Variants in RB1 observed in about 807,000 individuals in gnomAD.
RB1 encodes the protein RB transcriptional corepressor 1.
A neutral mutation model predicts 135.4 loss-of-function variants in RB1; 18 were observed. That is an observed-to-expected ratio of 0.13 (90% CI 0.09 to 0.20). The LOEUF (loss-of-function observed/expected upper bound fraction) is 0.20. Ranked by LOEUF, RB1 falls within the 10% of genes least tolerant of loss-of-function variation. RB1 has a pLI of 1.00. For synonymous variants in RB1, 365 were observed against 373.2 expected (o/e 0.98, Z 0.25); for missense variants, 868 against 1,110.0 (o/e 0.78, Z 3.10).
intron 6 of RB1, 48 bp from the exon 7 acceptor site, chr13:48,359,969 A>G: frequency 6.2e-7 from 1 of 1,604,530 alleles, no homozygotes; most frequent in Non-Finnish European, 8.5e-7. Flanking sequence ...CTCTCATACA[A>G]AGATCTGAAT....
chr13:48,320,032 G>A, intron 2 of RB1: 3 of 459,576 alleles, frequency 6.5e-6, no homozygotes, highest in Non-Finnish European at 8.0e-6. Flanking sequence ...GCTGGCCCCT[G>A]CCAGCCCCGG....
intron 17 of RB1, among the ~76,000 whole-genome samples, chr13:48,449,109 G>A (rs1463265397): frequency 6.6e-6 from 1 of 150,530 alleles, no homozygotes; most frequent in Non-Finnish European, 1.5e-5. Flanking sequence ...CGTAATCGCC[G>A]TTTTTTTTTC....
intron 17 of RB1, among the ~76,000 whole-genome samples, chr13:48,434,942 TAC>T (rs1949168539): frequency 6.6e-6 from 1 of 152,254 alleles, no homozygotes; most frequent in African/African-American, 2.4e-5. Flanking sequence ...ATGAATGTAC[TAC>T]AGTTTCTTTG....
At chr13:48,447,426 G>A (rs1276484035) in intron 17 of RB1, among the ~76,000 whole-genome samples, 1 of 152,128 alleles carries the variant, frequency 6.6e-6, no homozygotes, top group Non-Finnish European at 1.5e-5. Context: ...ATACTGGGTG[G>A]ATGGATGGAT....
At chr13:48,320,478 A>C in intron 2 of RB1, 1 of 767,312 alleles carries the variant, frequency 1.3e-6, no homozygotes. Flanking sequence ...GAAACATTCT[A>C]GCAGAAGGGG....
At chr13:48,397,470 A>G (rs1593466497) in intron 17 of RB1, among the ~76,000 whole-genome samples, 1 of 152,168 alleles carries the variant, frequency 6.6e-6, no homozygotes, top group East Asian at 1.9e-4. Flanking sequence ...ATGGAGGGGA[A>G]CATCACACAC....
intron 20 of RB1, among the ~76,000 whole-genome samples, chr13:48,461,216 A>G (rs1373152233): frequency 6.6e-6 from 1 of 151,790 alleles, no homozygotes; most frequent in East Asian, 1.9e-4. Flanking sequence ...TTTTCTCTCT[A>G]TGGATTTGCC....
intron 23 of RB1, 98 bp downstream of exon 23, chr13:48,465,466 T>C (rs1478566995): frequency 2.4e-6 from 3 of 1,229,810 alleles, no homozygotes; most frequent in Non-Finnish European, 3.5e-6. Flanking sequence ...TCAAATAAGC[T>C]AGACTCTTGA....
chr13:48,326,881 C>G (rs1952292256), intron 2 of RB1, among the ~76,000 whole-genome samples: 1 of 151,582 alleles, frequency 6.6e-6, no homozygotes, highest in Non-Finnish European at 1.5e-5. Flanking sequence ...AGTTCGTATA[C>G]AATACAAAAA....
In RB1 at chr13:48,453,039, G is replaced by A. The variant is rs1350821464; in HGVS notation, c.1742G>A (p.Gly581Glu). 6.2e-7 allele frequency: 1 copy of A among 1,613,126 alleles called. No individual in the cohort carries two copies. Among genetic ancestry groups the A allele is most frequent in the Non-Finnish European group, 8.5e-7 (1 of 1,179,652 alleles). ...ATTAAACAATCAAAGGACCGAGAAG[G>A]ACCAACTGATCACCTTGAATCTGCT... ...DLIKQSKDREGPTDHLESACP... is the reference protein window; with the variant it reads ...DLIKQSKDREEPTDHLESACP... The change falls in exon 18 of 27, where the codon GGA becomes GAA. Residue 581 changes from glycine to glutamate, a missense_variant. This residue lies in a region of RB1 where 641 missense variants were observed against 791.3 expected (regional missense o/e 0.81). Coordinates refer to ENST00000267163, the MANE Select transcript of RB1 (RefSeq NM_000321.3).
chr13:48,478,889 A>T (rs1189825303), intron 26 of RB1, among the ~76,000 whole-genome samples: 1 of 152,192 alleles, frequency 6.6e-6, no homozygotes, highest in Non-Finnish European at 1.5e-5. Context: ...TTTAATAAGT[A>T]TCCCGGCTTT....
chr13:48,452,796 T>TTG (rs1949335941), intron 17 of RB1, among the ~76,000 whole-genome samples, 197 bp from the exon 18 acceptor site: 1 of 152,158 alleles, frequency 6.6e-6, no homozygotes, highest in Non-Finnish European at 1.5e-5. Flanking sequence ...TTCTACTTTT[T>TTG]TGTGTGTGGG....
intron 6 of RB1, among the ~76,000 whole-genome samples, chr13:48,354,024 A>G (rs776672694): frequency 5.3e-5 from 8 of 152,136 alleles, no homozygotes; most frequent in Admixed American, 3.3e-4. Flanking sequence ...TCTAAGATCT[A>G]GAACATGATG....
intron 2 of RB1, chr13:48,317,101 G>A: frequency 1.1e-6 from 1 of 900,878 alleles, no homozygotes; most frequent in Non-Finnish European, 1.5e-6. Context: ...TTCTTCGCCA[G>A]CAAGTGTGGG....
At chr13:48,443,991 G>C (rs1949263348) in intron 17 of RB1, among the ~76,000 whole-genome samples, 1 of 152,098 alleles carries the variant, frequency 6.6e-6, no homozygotes, top group South Asian at 2.1e-4. Flanking sequence ...CAAAATGTGT[G>C]GGTTTTTTTC....
chr13:48,329,688 A>T (rs943613680), intron 2 of RB1, among the ~76,000 whole-genome samples: 3 of 152,104 alleles, frequency 2.0e-5, no homozygotes, highest in Non-Finnish European at 4.4e-5. Context: ...TTTTGGAAAG[A>T]CCCATTCTTT....
chr13:48,477,356 A>G lies in RB1; in HGVS notation c.2665A>G (p.Lys889Glu), dbSNP rs1949510323. 1.2e-6 allele frequency: 2 copies of G among 1,607,652 alleles called. No homozygotes were observed. Among genetic ancestry groups the G allele is most frequent in the Admixed American group, 1.7e-5 (1 of 59,796 alleles). ...GTTTTGCATTTTTTTAATCTGCAGT[A>G]AACATCTCCCAGGAGAGTCCAAATT... is the stretch of plus-strand genomic sequence containing the variant. ...IEGSDEADGS[K>E]HLPGESKFQQ... Residue 889 changes from lysine to glutamate, a missense_variant and splice_region_variant, in exon 26 of 27, where the codon AAA (lysine) becomes GAA (glutamate). Transcript: ENST00000267163.
chr13:48,407,340 A>G (rs978180477), intron 17 of RB1, among the ~76,000 whole-genome samples: 7 of 152,198 alleles, frequency 4.6e-5, no homozygotes, highest in Non-Finnish European at 7.4e-5. Flanking sequence ...TTATTGTAGT[A>G]AATCTTTTGG....
intron 17 of RB1, among the ~76,000 whole-genome samples, chr13:48,384,292 C>T (rs1232372784): frequency 2.0e-5 from 3 of 152,058 alleles, no homozygotes; most frequent in Non-Finnish European, 1.5e-5. Flanking sequence ...TCTTATATTA[C>T]ATTTTTAATC....
Sources: allele counts gnomAD v4.1 joint callset (sites outside exome capture counted in the v4.1 genomes callset), GRCh38; gene constraint gnomAD v4.1.1; regional missense constraint gnomAD v4.1.1; transcripts MANE v1.5; gene names NCBI Gene and HGNC (gene_info 2026-07-23, HGNC 2026-07-21).